Variants in TTLL5 observed in about 807,000 individuals in gnomAD.
TTLL5 encodes tubulin polyglutamylase TTLL5.
TTLL5 carries 132 observed loss-of-function variants against 168.4 expected under a neutral mutation model. The ratio of observed to expected loss-of-function variants is 0.78; its 90% confidence interval spans 0.68 to 0.91. The LOEUF is 0.91. Ranked by LOEUF, TTLL5 falls within the 40% of genes least tolerant of loss-of-function variation. TTLL5 has a pLI of 0.00. For missense variants in TTLL5, 1,545 were observed against 1,581.5 expected (o/e 0.98, Z 0.39); for synonymous variants, 546 against 558.6 (o/e 0.98, Z 0.32).
At chr14:75,731,386 C>T (rs867681991) in intron 12 of TTLL5, among the ~76,000 whole-genome samples, 4 of 113,030 alleles carry the variant, frequency 3.5e-5, no homozygotes, top group Non-Finnish European at 5.7e-5. Context: ...CACACACACA[C>T]ACACACACAC....
chr14:75,909,859 G>C (rs2033298868), intron 31 of TTLL5, among the ~76,000 whole-genome samples: 1 of 152,246 alleles, frequency 6.6e-6, no homozygotes, highest in Admixed American at 6.5e-5. Flanking sequence ...TCACCTGGCT[G>C]TCAGCCATTG....
At chr14:75,924,885 C>T (rs546148846) in intron 31 of TTLL5, among the ~76,000 whole-genome samples, 13 of 150,052 alleles carry the variant, frequency 8.7e-5, no homozygotes, top group East Asian at 6.0e-4. Flanking sequence ...CCTCACCTCC[C>T]GGATGGGGCG....
At chr14:75,779,129 A>T (rs980941631) in intron 23 of TTLL5, among the ~76,000 whole-genome samples, 16 of 152,302 alleles carry the variant, frequency 1.1e-4, no homozygotes, top group South Asian at 4.1e-4. Flanking sequence ...AAAATATTTT[A>T]AAAAATTTTT....
At chr14:75,811,189 A>ATGTG (rs1253221772) in intron 27 of TTLL5, among the ~76,000 whole-genome samples, 2 of 63,934 alleles carry the variant, frequency 3.1e-5, no homozygotes, top group Non-Finnish European at 6.5e-5. Flanking sequence ...GTGTGTGTGT[A>ATGTG]TGTGTGTGTG....
chr14:75,818,961 G>T (rs1273875762), intron 27 of TTLL5, among the ~76,000 whole-genome samples: 1 of 152,044 alleles, frequency 6.6e-6, no homozygotes, highest in Non-Finnish European at 1.5e-5. Flanking sequence ...ATGGGCTTTG[G>T]CAGTTGAAAA....
chr14:75,807,722 C>T (rs1395667821), intron 27 of TTLL5, among the ~76,000 whole-genome samples: 2 of 152,208 alleles, frequency 1.3e-5, no homozygotes, highest in Non-Finnish European at 1.5e-5. Flanking sequence ...CAGTGTTTTT[C>T]TGTCTCTTTC....
At chr14:75,911,912 G>A (rs970547637) in intron 31 of TTLL5, among the ~76,000 whole-genome samples, 1 of 152,156 alleles carries the variant, frequency 6.6e-6, no homozygotes, top group Admixed American at 6.5e-5. Flanking sequence ...TCTGATGATC[G>A]AGAGGAGAGA....
chr14:75,740,241 A>T (rs1219444725), intron 15 of TTLL5, among the ~76,000 whole-genome samples: 1 of 152,224 alleles, frequency 6.6e-6, no homozygotes, highest in Admixed American at 6.5e-5. Flanking sequence ...AAACTTTTAA[A>T]GCATGTTTTA....
chr14:75,800,587 C>T (rs1893242668), intron 27 of TTLL5, among the ~76,000 whole-genome samples: 1 of 152,120 alleles, frequency 6.6e-6, no homozygotes, highest in Admixed American at 6.5e-5. Context: ...GGTTCCTTCT[C>T]ATCTGGGTAG....
At chr14:75,692,354 T>A (rs1287252384) in intron 6 of TTLL5, among the ~76,000 whole-genome samples, 1 of 152,202 alleles carries the variant, frequency 6.6e-6, no homozygotes, top group Non-Finnish European at 1.5e-5. Flanking sequence ...TGTTTTACTA[T>A]TTTATTTTTG....
chr14:75,778,867 G>T (rs1045192906), intron 23 of TTLL5, among the ~76,000 whole-genome samples: 12 of 152,210 alleles, frequency 7.9e-5, no homozygotes, highest in Non-Finnish European at 8.8e-5. Context: ...GTGATTTAGA[G>T]ATGATATACT....
intron 29 of TTLL5, among the ~76,000 whole-genome samples, chr14:75,873,718 T>C (rs1193049375): frequency 1.3e-5 from 2 of 152,186 alleles, no homozygotes; most frequent in Admixed American, 1.3e-4. Context: ...CATTCATTCA[T>C]TGATGGACAT....
At chr14:75,887,859 A>G (rs1432331584) in intron 30 of TTLL5, among the ~76,000 whole-genome samples, 1 of 152,236 alleles carries the variant, frequency 6.6e-6, no homozygotes, top group African/African-American at 2.4e-5. Flanking sequence ...AAATACTGAA[A>G]ATGAAATACT....
At chr14:75,910,263 T>G (rs1462335398) in intron 31 of TTLL5, among the ~76,000 whole-genome samples, 1 of 152,204 alleles carries the variant, frequency 6.6e-6, no homozygotes, top group Non-Finnish European at 1.5e-5. Context: ...ACACTTACAT[T>G]ACAGAAGCAC....
At chr14:75,731,030 T>C (rs970244063) in intron 12 of TTLL5, among the ~76,000 whole-genome samples, 1 of 152,162 alleles carries the variant, frequency 6.6e-6, no homozygotes, top group African/African-American at 2.4e-5. Flanking sequence ...ATTCTAGGAT[T>C]CTTAATACAT....
chr14:75,873,160 G>A (rs1448033173), intron 29 of TTLL5, among the ~76,000 whole-genome samples: 1 of 147,546 alleles, frequency 6.8e-6, no homozygotes, highest in African/African-American at 2.5e-5. Flanking sequence ...TGCAAGCTCC[G>A]CCTCCCGGGT....
chr14:75,681,670 G>C lies in TTLL5; in HGVS notation c.264+43G>C, dbSNP rs776986442. On this transcript the variant is annotated intron_variant, in intron 4 of 31. Coordinates refer to ENST00000298832, the MANE Select transcript of TTLL5 (RefSeq NM_015072.5). ...ACCTCACCTGATCTGCTCATAAGCT[G>C]AAAATCCCAGCCACCTAACTGACTT... The C allele has an allele frequency of 2.6e-6, 4 of 1,558,320 alleles. No homozygotes were observed. The South Asian group carries it at 3.3e-5, about 13-fold the overall frequency.
intron 30 of TTLL5, among the ~76,000 whole-genome samples, chr14:75,893,978 A>T (rs531638660): frequency 1.3e-3 from 193 of 152,272 alleles, no homozygotes; most frequent in Non-Finnish European, 2.2e-3. Flanking sequence ...AATACAACAA[A>T]TCCGTAAAAT....
intron 27 of TTLL5, among the ~76,000 whole-genome samples, 197 bp downstream of exon 27, chr14:75,793,297 A>G (rs1892823651): frequency 6.6e-6 from 1 of 152,162 alleles, no homozygotes; most frequent in East Asian, 1.9e-4. Flanking sequence ...TGTTACAGGC[A>G]TTGTGAAGTA....
Sources: gnomAD v4.1 joint callset for allele counts (sites outside exome capture counted in the v4.1 genomes callset) on GRCh38, gnomAD v4.1.1 for gene constraint, MANE v1.5 for transcripts, NCBI Gene and HGNC (gene_info 2026-07-23, HGNC 2026-07-21) for gene names.